The following ROBO2 variants were observed in gnomAD, a reference collection of about 807,000 sequenced individuals.
ROBO2 encodes roundabout guidance receptor 2.
In ROBO2, 53 loss-of-function variants were observed where a neutral mutation model predicts 160.8. The observed-to-expected ratio is 0.33, with a 90% CI of 0.26 to 0.41. ROBO2 has a LOEUF of 0.41. Ranked by LOEUF, ROBO2 falls within the 10% of genes least tolerant of loss-of-function variation. The pLI, the probability that ROBO2 is intolerant of heterozygous loss-of-function variation, is 1.00. For missense variants in ROBO2, 1,577 were observed against 1,722.4 expected (o/e 0.92, Z 1.49); for synonymous variants, 664 against 611.7 (o/e 1.09, Z -1.26).
intron 2 of ROBO2, among the ~76,000 whole-genome samples, chr3:77,226,444 T>C (rs775629979): frequency 6.6e-6 from 1 of 152,024 alleles, no homozygotes; most frequent in Non-Finnish European, 1.5e-5. Flanking sequence ...CCACTCTTCA[T>C]TACACCTACA....
intron 2 of ROBO2, among the ~76,000 whole-genome samples, chr3:76,421,309 A>G (rs2075985274): frequency 6.6e-6 from 1 of 152,198 alleles, no homozygotes. Context: ...TTCAACTGCA[A>G]TTGCTGAAAA....
rs536559811 is a variant in ROBO2 at position 76,341,866 on chromosome 3, G to C, written c.109+404264G>C. Among the ~76,000 whole-genome samples, 46 of 152,270 alleles carry C rather than the reference G, an allele frequency of 3.0e-4. 2 individuals carry two copies. In the South Asian group the frequency reaches 8.7e-3, roughly 29 times the overall value. Reference sequence around the variant, plus strand: ...TATTTTGTAAGAGTATTTTCTGAATGAATCTTTCACTATGGTGGAGACTTC... The same window carrying C: ...TATTTTGTAAGAGTATTTTCTGAATCAATCTTTCACTATGGTGGAGACTTC... On this transcript the variant is annotated intron_variant, in intron 2 of 26. Coordinates refer to the ROBO2 transcript ENST00000487694.
intron 2 of ROBO2, among the ~76,000 whole-genome samples, chr3:76,659,502 G>C (rs927977393): frequency 6.6e-6 from 1 of 151,864 alleles, no homozygotes; most frequent in African/African-American, 2.4e-5. Flanking sequence ...CTGTTGGCCT[G>C]TGAGAATCGG....
At position 77,607,967 on chromosome 3, in the gene ROBO2, T is replaced by C. The variant is rs1419008764; in HGVS notation, c.3293+13T>C. Reference sequence around the variant, plus strand: ...AACAAGAAAATGGGTAAAGATATTTTATATACTAGCAAAATGGCCAGGGCT... The same window carrying C: ...AACAAGAAAATGGGTAAAGATATTTCATATACTAGCAAAATGGCCAGGGCT... On this transcript the variant is annotated intron_variant, in intron 21 of 25. Coordinates refer to ENST00000461745, the Ensembl canonical transcript of ROBO2. 1 of 1,613,824 alleles carries C rather than the reference T, an allele frequency of 6.2e-7. No homozygotes were observed.
intron 2 of ROBO2, among the ~76,000 whole-genome samples, chr3:76,499,935 T>C (rs1306756442): frequency 1.3e-5 from 2 of 152,056 alleles, no homozygotes; most frequent in Non-Finnish European, 2.9e-5. Context: ...TACTAGACCT[T>C]ATCAAAGAAC....
Position 76,434,428 on chromosome 3 carries a change from G to A in ROBO2, c.109+496826G>A, listed in dbSNP as rs192955752. The stretch of plus-strand genomic sequence containing the variant: ...AAAGTATCCAGGCCCTGGGCTGGGT[G>A]GCTATGGCCCCCAAGCCTGGCACTT... On this transcript the variant is annotated intron_variant, in intron 2 of 26. Coordinates refer to the ROBO2 transcript ENST00000487694. The A allele has an allele frequency of 2.3e-4, 363 of 1,564,432 alleles. 1 individual carries two copies. In the African/African-American group the frequency reaches 4.1e-3, roughly 18 times the overall value.
chr3:77,386,734 C>T (rs2074152413), intron 2 of ROBO2, among the ~76,000 whole-genome samples: 1 of 150,502 alleles, frequency 6.6e-6, no homozygotes, highest in Non-Finnish European at 1.5e-5. Context: ...TCCGGAGTAG[C>T]TGGGATTACA....
At chr3:77,413,444 G>A (rs866975232) in intron 2 of ROBO2, among the ~76,000 whole-genome samples, 1 of 152,244 alleles carries the variant, frequency 6.6e-6, no homozygotes. Flanking sequence ...GTCTCTTTGG[G>A]AACTTTGGCT....
Position 76,644,261 on chromosome 3 carries a change from A to C in ROBO2, c.110-453753A>C, listed in dbSNP as rs13082918. 3.9e-4 allele frequency among the ~76,000 whole-genome samples: 59 copies of C among 152,184 alleles called. 1 individual carries two copies. Among genetic ancestry groups the C allele is most frequent in the Admixed American group, 9.2e-4 (14 of 15,296 alleles). ...TGACTGAAACTATCCACATTTGAAAAGCAAGTGGTGTTAAAAAAAAATTCA... is the reference window on the plus strand; with the variant it reads ...TGACTGAAACTATCCACATTTGAAACGCAAGTGGTGTTAAAAAAAAATTCA... On this transcript the variant is annotated intron_variant, in intron 2 of 26. Transcript: ENST00000487694.
At chr3:76,216,627 G>T (rs1189462679) in intron 2 of ROBO2, among the ~76,000 whole-genome samples, 3 of 152,104 alleles carry the variant, frequency 2.0e-5, no homozygotes, top group Admixed American at 6.6e-5. Flanking sequence ...AAATATATAT[G>T]CACCCAATAC....
At chr3:76,088,369 G>T (rs1480275396) in intron 2 of ROBO2, among the ~76,000 whole-genome samples, 1 of 151,978 alleles carries the variant, frequency 6.6e-6, no homozygotes, top group African/African-American at 2.4e-5. Flanking sequence ...CAAATCATTT[G>T]GATGTAATCG....
chr3:76,163,910 A>G (rs753511289), intron 2 of ROBO2, among the ~76,000 whole-genome samples: 1 of 152,148 alleles, frequency 6.6e-6, no homozygotes, highest in Admixed American at 6.5e-5. Flanking sequence ...AAAATAGGAT[A>G]ACAATGGCAT....
chr3:77,556,378 G>A (rs1294068755), intron 8 of ROBO2, among the ~76,000 whole-genome samples: 6 of 151,828 alleles, frequency 4.0e-5, no homozygotes, highest in African/African-American at 1.4e-4. Context: ...GTTTGTGAAT[G>A]ATAAACAGTT....
At chr3:76,744,561 T>A (rs2093854032) in intron 2 of ROBO2, among the ~76,000 whole-genome samples, 2 of 152,054 alleles carry the variant, frequency 1.3e-5, no homozygotes, top group East Asian at 3.9e-4. Context: ...GAGGTCTCGC[T>A]CTGTTGCCCA....
At chr3:77,021,449 T>C (rs2062632105) in intron 2 of ROBO2, among the ~76,000 whole-genome samples, 1 of 152,112 alleles carries the variant, frequency 6.6e-6, no homozygotes, top group African/African-American at 2.4e-5. Flanking sequence ...AATATTACGC[T>C]AACCCTCCCC....
chr3:76,859,392 C>G (rs2070495328), intron 2 of ROBO2, among the ~76,000 whole-genome samples: 1 of 152,108 alleles, frequency 6.6e-6, no homozygotes, highest in African/African-American at 2.4e-5. Flanking sequence ...CATAGGATGG[C>G]TTGGAGATGC....
intron 1 of ROBO2, among the ~76,000 whole-genome samples, chr3:77,067,158 C>T (rs1382684970): frequency 6.6e-6 from 1 of 152,004 alleles, no homozygotes; most frequent in African/African-American, 2.4e-5. Flanking sequence ...TTCGTGACTG[C>T]ATAAGTTGTA....
chr3:77,556,454 C>T (rs955818678), intron 8 of ROBO2, among the ~76,000 whole-genome samples: 6 of 151,798 alleles, frequency 4.0e-5, no homozygotes, highest in African/African-American at 1.4e-4. Context: ...TCTGCAATGT[C>T]TTGATATGAA....
chr3:77,192,728 C>T (rs2081972531), intron 2 of ROBO2, among the ~76,000 whole-genome samples: 1 of 142,804 alleles, frequency 7.0e-6, no homozygotes, highest in Non-Finnish European at 1.5e-5. Context: ...TCACTGCAAC[C>T]TCTGCCTCCT....
Sources: allele counts gnomAD v4.1 joint callset (sites outside exome capture counted in the v4.1 genomes callset), GRCh38; gene constraint gnomAD v4.1.1; transcripts MANE v1.5; gene names NCBI Gene and HGNC (gene_info 2026-07-23, HGNC 2026-07-21).